CD46: variants seen among roughly 807,000 people sequenced by gnomAD.
CD46 encodes membrane cofactor protein.
CD46 carries 30 observed loss-of-function variants against 53.3 expected under a neutral mutation model. The ratio of observed to expected loss-of-function variants is 0.56; its 90% confidence interval spans 0.42 to 0.76. The LOEUF (loss-of-function observed/expected upper bound fraction) is 0.76. Among genes scored for constraint, CD46 ranks in the 30% least tolerant of loss-of-function variants. CD46 has a pLI of 0.00. For missense variants in CD46, 409 were observed against 463.0 expected, an observed-to-expected ratio of 0.88 and a Z score of 1.07; for synonymous variants, 142 against 152.0, an observed-to-expected ratio of 0.93 and a Z score of 0.48.
At chr1:207,783,851 T>C (rs1659021888) in intron 9 of CD46, 1 of 153,052 alleles carries the variant, frequency 6.5e-6, no homozygotes, top group South Asian at 2.1e-4. Flanking sequence ...TCCAAGTAAA[T>C]CTGTTGCCAT....
chr1:207,772,256 C>T (rs1468496554), intron 8 of CD46, among the ~76,000 whole-genome samples: 3 of 152,128 alleles, frequency 2.0e-5, no homozygotes, highest in African/African-American at 4.8e-5. Flanking sequence ...GATTTTGTAT[C>T]CTGAGACTTC....
chr1:207,789,407 C>CA, intron 11 of CD46, among the ~76,000 whole-genome samples: 1 of 151,716 alleles, frequency 6.6e-6, no homozygotes, highest in South Asian at 2.1e-4. Flanking sequence ...TGACATGGGG[C>CA]AAAAAAAGGA....
At chr1:207,770,089 T>A in intron 7 of CD46, 1 of 507,102 alleles carries the variant, frequency 2.0e-6, no homozygotes. Context: ...ATGATGGTTA[T>A]CTTCTAAGAT....
At chr1:207,768,904 C>T (rs1657143480) in intron 7 of CD46, 1 of 152,104 alleles carries the variant, frequency 6.6e-6, no homozygotes, top group African/African-American at 2.4e-5. Flanking sequence ...TTATATATTT[C>T]CTATCTCCCT....
intron 1 of CD46, among the ~76,000 whole-genome samples, chr1:207,755,782 A>C (rs537813654): frequency 6.6e-6 from 1 of 152,340 alleles, no homozygotes; most frequent in East Asian, 1.9e-4. Flanking sequence ...CAGCACAAGA[A>C]ATGGCCTAAT....
intron 11 of CD46, among the ~76,000 whole-genome samples, chr1:207,787,563 A>G (rs1659385027): frequency 6.6e-6 from 1 of 152,150 alleles, no homozygotes; most frequent in Admixed American, 6.5e-5. Flanking sequence ...GGAAGGTATG[A>G]TATCTTTAGC....
At chr1:207,792,054 G>A (rs921215638) in intron 12 of CD46, among the ~76,000 whole-genome samples, 4 of 152,088 alleles carry the variant, frequency 2.6e-5, no homozygotes, top group Admixed American at 1.3e-4. Context: ...AGGCCGAGGC[G>A]GGCGGATCAC....
chr1:207,767,459 A>T (rs1656987404), intron 6 of CD46: 1 of 786,936 alleles, frequency 1.3e-6, no homozygotes, highest in Non-Finnish European at 2.2e-6. Context: ...TAATATTTTT[A>T]TGTATAAAAA....
At position 207,790,300 on chromosome 1, in the gene CD46, T is replaced by C; in HGVS notation, c.1130T>C (p.Leu377Pro). ...CACAGAGAAGTAAAATTTACTTCTC[T>C]CTGAGAAGGAGAGATGAGAGAAAGG... is the stretch of plus-strand genomic sequence containing the variant. The part of the protein sequence containing the change: ...ETHREVKFTS[L>P] Residue 377 changes from leucine to proline, a missense_variant, in exon 12 of 13, where the codon CTC (leucine) becomes CCC (proline). Transcript: ENST00000367042. 1.9e-6 allele frequency: 3 copies of C among 1,598,818 alleles called. No individual in the cohort carries two copies. Among genetic ancestry groups the C allele is most frequent in the Non-Finnish European group, 1.7e-6 (2 of 1,166,302 alleles).
intron 11 of CD46, among the ~76,000 whole-genome samples, chr1:207,789,870 G>GAAAAAAAAAAAAAAAAAAAAAAAAAA: frequency 2.3e-5 from 1 of 43,348 alleles, no homozygotes. Context: ...GCTGTGTCTT[G>GAAAAAAAAAAAAAAAAAAAAAAAAAA]AAAAAAAAAA....
chr1:207,793,203 G>A (rs543470256), intron 12 of CD46, among the ~76,000 whole-genome samples: 2 of 152,278 alleles, frequency 1.3e-5, no homozygotes, highest in Admixed American at 1.3e-4. Flanking sequence ...GATCAGGAAA[G>A]CATGCGTTTG....
chr1:207,752,250 C>G lies in CD46; in HGVS notation c.38C>G (p.Ser13Cys), dbSNP rs138843816. 1 of 1,614,154 alleles carries G rather than the reference C, an allele frequency of 6.2e-7. No individual in the cohort carries two copies. The highest frequency in any genetic ancestry group is 8.5e-7 in the Non-Finnish European group (1 of 1,180,022). ...GGCCGCCGCGAGTGTCCCTTTCCTT[C>G]CTGGCGCTTTCCTGGGTTGCTTCTG... is the stretch of plus-strand genomic sequence containing the variant. ...PPGRRECPFP[S>C]WRFPGLLLAA... Residue 13 changes from serine to cysteine, a missense_variant, in exon 1 of 13, where the codon TCC (serine) becomes TGC (cysteine). Transcript: ENST00000367042. The surrounding 1 kb of genome is among the most constrained non-coding windows in gnomAD (Gnocchi z 4.1).
At chr1:207,754,875 A>G (rs1034337878) in intron 1 of CD46, among the ~76,000 whole-genome samples, 16 of 150,486 alleles carry the variant, frequency 1.1e-4, no homozygotes, top group Non-Finnish European at 1.5e-4. Flanking sequence ...TTTTCTTTTA[A>G]GATTAATGTT....
chr1:207,771,706 T>C (rs1657524512), intron 8 of CD46, among the ~76,000 whole-genome samples: 1 of 152,224 alleles, frequency 6.6e-6, no homozygotes, highest in South Asian at 2.1e-4. Context: ...CAGATGGTTG[T>C]AGATGTGAGT....
chr1:207,777,782 A>C (rs1571657671), intron 8 of CD46, among the ~76,000 whole-genome samples: 1 of 152,084 alleles, frequency 6.6e-6, no homozygotes, highest in East Asian at 1.9e-4. Context: ...AGAATGATTT[A>C]TATTTCTCTG....
rs1656943732 is a variant in CD46, at chr1:207,767,112, A to G, written c.773A>G (p.Lys258Arg). The change falls in exon 6 of 13, where the codon AAG becomes AGG. Residue 258 changes from lysine to arginine, a missense_variant. Transcript: ENST00000367042. ...GCAACAGTTATGTTTGAATGCGATA[A>G]GGGTTTTTACCTCGATGGCAGCGAC... Reference protein sequence around the residue: ...YKATVMFECDKGFYLDGSDTI... With the variant: ...YKATVMFECDRGFYLDGSDTI... 2.5e-6 allele frequency: 4 copies of G among 1,613,910 alleles called. No individual in the cohort carries two copies. The highest frequency in any genetic ancestry group is 3.4e-6 in the Non-Finnish European group (4 of 1,179,772).
Position 207,757,212 on chromosome 1 carries a change from C to T in CD46, c.286+10C>T. The T allele has an allele frequency of 6.2e-7, 1 of 1,606,486 alleles. No homozygotes were observed. The highest frequency in any genetic ancestry group is 1.1e-5 in the South Asian group (1 of 90,968). ...GATGACGCCTGTTATAGTAAGTAAA[C>T]AAACCTCTTTTTTTTTTCTGCTTGC... On this transcript the variant is annotated intron_variant, in intron 2 of 12. Transcript: ENST00000367042.
At chr1:207,771,056 A>G (rs1657462467) in intron 8 of CD46, among the ~76,000 whole-genome samples, 1 of 152,194 alleles carries the variant, frequency 6.6e-6, no homozygotes, top group Non-Finnish European at 1.5e-5. Flanking sequence ...CATCCTCTCC[A>G]GCATCTGTTG....
At chr1:207,786,045 T>C (rs1391821892) in intron 11 of CD46, 2 of 215,546 alleles carry the variant, frequency 9.3e-6, no homozygotes, top group Non-Finnish European at 1.9e-5. Flanking sequence ...ATTTAAAGTA[T>C]TTCACTGTGG....
Sources: gnomAD v4.1 joint callset for allele counts (sites outside exome capture counted in the v4.1 genomes callset) on GRCh38, gnomAD v4.1.1 for gene constraint, Gnocchi (gnomAD v3.1) non-coding constraint, MANE v1.5 for transcripts, NCBI Gene and HGNC (gene_info 2026-07-23, HGNC 2026-07-21) for gene names.